Variants in CUBN observed in about 807,000 individuals in gnomAD.
CUBN encodes the protein 460 kDa receptor.
CUBN carries 282 observed loss-of-function variants against 405.3 expected under a neutral mutation model. The ratio of observed to expected loss-of-function variants is 0.70; its 90% CI spans 0.63 to 0.77. The LOEUF (loss-of-function observed/expected upper bound fraction) is 0.77. Among genes scored for constraint, CUBN ranks in the 30% least tolerant of loss-of-function variants. CUBN has a pLI of 0.00. For missense variants in CUBN, 4,514 were observed against 4,475.2 expected, an observed-to-expected ratio of 1.01 and a Z score of -0.25; for synonymous variants, 1,684 against 1,617.0, an observed-to-expected ratio of 1.04 and a Z score of -0.99.
intron 31 of CUBN, among the ~76,000 whole-genome samples, chr10:16,968,520 C>T (rs1843463990): frequency 6.6e-6 from 1 of 152,178 alleles, no homozygotes; most frequent in Non-Finnish European, 1.5e-5. Context: ...CTGCTCCTTG[C>T]TGATTCTCAC....
chr10:16,918,576 A>G (rs572046541), intron 45 of CUBN, 46 bp downstream of exon 45: 1 of 1,443,506 alleles, frequency 6.9e-7, no homozygotes. Flanking sequence ...ACAAATCTGC[A>G]CATGTACCCC....
At chr10:17,115,003 C>T (rs984258898) in intron 7 of CUBN, among the ~76,000 whole-genome samples, 1 of 152,078 alleles carries the variant, frequency 6.6e-6, no homozygotes, top group Non-Finnish European at 1.5e-5. Context: ...CAGCGCTTTG[C>T]GGGGCTGAGG....
intron 28 of CUBN, among the ~76,000 whole-genome samples, chr10:17,012,616 A>G (rs1834216073): frequency 6.6e-6 from 1 of 152,242 alleles, no homozygotes; most frequent in African/African-American, 2.4e-5. Flanking sequence ...AGCAAACTCT[A>G]CGTTAGTAGA....
intron 28 of CUBN, among the ~76,000 whole-genome samples, chr10:17,010,188 A>G (rs1279272378): frequency 3.3e-5 from 5 of 152,202 alleles, no homozygotes; most frequent in Non-Finnish European, 7.3e-5. Flanking sequence ...ATTCTGGGCC[A>G]TTTCCCAGGA....
At chr10:16,916,550 T>A (rs940148684) in intron 45 of CUBN, among the ~76,000 whole-genome samples, 1 of 152,212 alleles carries the variant, frequency 6.6e-6, no homozygotes, top group Non-Finnish European at 1.5e-5. Flanking sequence ...TATGTCTTAT[T>A]AGCTGGGTGT....
chr10:16,849,064 A>G (rs1839602545), intron 60 of CUBN, among the ~76,000 whole-genome samples: 1 of 152,124 alleles, frequency 6.6e-6, no homozygotes, highest in African/African-American at 2.4e-5. Context: ...TGCTATCTTT[A>G]GTCTTTCATG....
intron 62 of CUBN, among the ~76,000 whole-genome samples, chr10:16,839,201 G>T (rs554412249): frequency 1.3e-5 from 2 of 152,246 alleles, no homozygotes; most frequent in East Asian, 1.9e-4. Context: ...GGGTGGGCCA[G>T]GGAGGATGCA....
chr10:17,046,032 G>T lies in CUBN; in HGVS notation c.3392C>A (p.Thr1131Lys), dbSNP rs148199286. The T allele has an allele frequency of 2.5e-6, 4 of 1,613,658 alleles. No individual in the cohort carries two copies. The highest frequency in any genetic ancestry group is 1.3e-5 in the African/African-American group (1 of 75,034). Residue 1131 changes from threonine (T) to lysine (K), a missense_variant, in exon 24 of 67, where the codon ACA (threonine) becomes AAA (lysine). Thr to Lys is a moderately conservative substitution (Grantham distance 78). Around this residue, in one of 5 missense-constraint regions of CUBN, gnomAD observed 1,448 missense variants for 1,388.0 expected, o/e 1.04. Transcript: ENST00000377833. ...GIFYGSNLPP[T>K]IISHSNKLWL... The stretch of plus-strand genomic sequence containing the variant: ...TAGTTTGTTACTATGAGAGATGATT[G>T]TTGGGGGTAGATTTGAGCCATAGAA...
intron 43 of CUBN, among the ~76,000 whole-genome samples, chr10:16,923,663 C>T (rs556125615): frequency 5.9e-5 from 9 of 152,306 alleles, no homozygotes; most frequent in African/African-American, 1.9e-4. Flanking sequence ...ACCATACTTG[C>T]ATGAACAGTG....
intron 58 of CUBN, among the ~76,000 whole-genome samples, chr10:16,873,277 G>A (rs140101951): frequency 2.8e-4 from 42 of 152,304 alleles, no homozygotes; most frequent in African/African-American, 9.4e-4. Flanking sequence ...TCATTCTGGA[G>A]AGTGGGAGGT....
Position 16,885,208 on chromosome 10 carries a change from C to T in CUBN, c.8905+3209G>A, listed in dbSNP as rs148507363. 2.6e-5 allele frequency among the ~76,000 whole-genome samples: 4 copies of T among 152,234 alleles called. No homozygotes were observed. In the South Asian group the frequency reaches 6.2e-4, roughly 24 times the overall value. On this transcript the variant is annotated intron_variant, in intron 56 of 66. Coordinates refer to ENST00000377833, the MANE Select transcript of CUBN (RefSeq NM_001081.4). ...TATAAAATAAATTTGATTAAAGTCA[C>T]CCTTTTGGGGAATCATCATAATTAG...
chr10:16,997,295 C>T (rs897423336), intron 28 of CUBN, among the ~76,000 whole-genome samples: 8 of 151,898 alleles, frequency 5.3e-5, no homozygotes, highest in South Asian at 2.1e-4. Flanking sequence ...ATTAGCTGGG[C>T]GTGGTGGCAG....
intron 31 of CUBN, among the ~76,000 whole-genome samples, chr10:16,973,984 C>G (rs916495247): frequency 1.3e-5 from 2 of 152,130 alleles, no homozygotes; most frequent in Non-Finnish European, 2.9e-5. Flanking sequence ...CTTCTAAGTG[C>G]ATTTCTGCTC....
intron 39 of CUBN, among the ~76,000 whole-genome samples, chr10:16,937,284 T>C (rs961820025): frequency 2.6e-5 from 4 of 152,250 alleles, no homozygotes; most frequent in African/African-American, 7.2e-5. Context: ...TGTACATGTG[T>C]AGTATCTGCA....
chr10:16,922,099 C>T (rs1177914417), intron 43 of CUBN, among the ~76,000 whole-genome samples: 2 of 151,884 alleles, frequency 1.3e-5, no homozygotes, highest in Non-Finnish European at 2.9e-5. Flanking sequence ...TTATTGTCTG[C>T]ATCTTAACAC....
intron 28 of CUBN, among the ~76,000 whole-genome samples, chr10:17,000,873 G>C (rs1588567853): frequency 6.6e-6 from 1 of 152,336 alleles, no homozygotes; most frequent in East Asian, 1.9e-4. Context: ...TGAGACATGA[G>C]ATTGTGTTCG....
At chr10:16,872,696 T>C (rs1364450446) in intron 58 of CUBN, among the ~76,000 whole-genome samples, 2 of 152,232 alleles carry the variant, frequency 1.3e-5, no homozygotes, top group African/African-American at 4.8e-5. Flanking sequence ...TATGATATTT[T>C]GTTAAAGCAA....
chr10:16,957,319 T>C (rs950342654), intron 31 of CUBN, among the ~76,000 whole-genome samples: 3 of 152,212 alleles, frequency 2.0e-5, no homozygotes, highest in Non-Finnish European at 4.4e-5. Context: ...CTTATTTCCA[T>C]GAACATAAAG....
At chr10:16,845,377 G>T (rs1222783085) in intron 60 of CUBN, among the ~76,000 whole-genome samples, 1 of 152,164 alleles carries the variant, frequency 6.6e-6, no homozygotes, top group Non-Finnish European at 1.5e-5. Context: ...GTATCTTCAT[G>T]AATTCTTTGA....
Sources: gnomAD v4.1 joint callset for allele counts (sites outside exome capture counted in the v4.1 genomes callset) on GRCh38, gnomAD v4.1.1 for gene constraint, gnomAD v4.1.1 regional missense constraint, MANE v1.5 for transcripts, NCBI Gene and HGNC (gene_info 2026-07-23, HGNC 2026-07-21) for gene names.